The following GTF2I variants were observed in gnomAD, a reference collection of about 807,000 sequenced individuals.
GTF2I encodes the protein general transcription factor IIi, also known as general transcription factor II-I.
A neutral mutation model predicts 67.6 loss-of-function variants in GTF2I; 12 were observed. That is an observed-to-expected ratio of 0.18 (90% CI 0.11 to 0.29). The LOEUF (loss-of-function observed/expected upper bound fraction) is 0.29. Among genes scored for constraint, GTF2I ranks in the 10% least tolerant of loss-of-function variants. The pLI is 1.00. For missense variants in GTF2I, 271 were observed against 580.1 expected (o/e 0.47, Z 5.47); for synonymous variants, 149 against 197.0 (o/e 0.76, Z 2.04).
intron 9 of GTF2I, among the ~76,000 whole-genome samples, chr7:74,711,949 C>CTTTT (rs587731254): frequency 1.5e-5 from 2 of 134,116 alleles, no homozygotes; most frequent in Non-Finnish European, 1.6e-5. Context: ...TCATTTCTCT[C>CTTTT]TTTTTTTTTT....
At chr7:74,678,614 T>C (rs939744752) in intron 1 of GTF2I, among the ~76,000 whole-genome samples, 5 of 152,138 alleles carry the variant, frequency 3.3e-5, no homozygotes, top group Admixed American at 2.6e-4. Flanking sequence ...GTCTTCAGTC[T>C]TTTAGGTGGC....
At chr7:74,690,100 A>G (rs1788138118) in intron 2 of GTF2I, among the ~76,000 whole-genome samples, 4 of 152,094 alleles carry the variant, frequency 2.6e-5, no homozygotes, top group Admixed American at 1.3e-4. Context: ...CTGTAGTCCC[A>G]GTAACCCGGG....
At chr7:74,726,175 C>A (rs1793751493) in intron 12 of GTF2I, among the ~76,000 whole-genome samples, 1 of 152,052 alleles carries the variant, frequency 6.6e-6, no homozygotes, top group Admixed American at 6.5e-5. Context: ...GAGACCTTAA[C>A]CTATAGGGGA....
chr7:74,727,278 C>T (rs1334236744), intron 12 of GTF2I: 2 of 152,210 alleles, frequency 1.3e-5, no homozygotes, highest in African/African-American at 4.8e-5. Context: ...GGTGTCCAGT[C>T]GCCTTCTAGA....
intron 6 of GTF2I, among the ~76,000 whole-genome samples, chr7:74,702,665 A>G (rs1260751205): frequency 6.6e-6 from 1 of 151,970 alleles, no homozygotes; most frequent in Non-Finnish European, 1.5e-5. Context: ...GTGAAGTGGT[A>G]TCTAATTTTT....
chr7:74,723,428 C>CCTTTTTTTTTTTTTTTTT (rs1793319970), intron 12 of GTF2I, among the ~76,000 whole-genome samples: 1 of 61,090 alleles, frequency 1.6e-5, no homozygotes, highest in African/African-American at 8.3e-5. Context: ...CTCCCGGCCT[C>CCTTTTTTTTTTTTTTTTT]TTTTTTTTTT....
intron 1 of GTF2I, among the ~76,000 whole-genome samples, chr7:74,666,928 T>C (rs1005886030): frequency 6.6e-5 from 10 of 151,766 alleles, no homozygotes; most frequent in Non-Finnish European, 1.0e-4. Context: ...TGCAGTGAGC[T>C]GAGATCGCAC....
chr7:74,703,732 G>C (rs187515895), intron 6 of GTF2I, among the ~76,000 whole-genome samples: 2 of 152,126 alleles, frequency 1.3e-5, no homozygotes, highest in Non-Finnish European at 2.9e-5. Flanking sequence ...AAACCCAAAG[G>C]CATGAAGATA....
intron 3 of GTF2I, among the ~76,000 whole-genome samples, chr7:74,696,799 T>G (rs1554398483): frequency 6.6e-6 from 1 of 152,070 alleles, no homozygotes; most frequent in African/African-American, 2.4e-5. Flanking sequence ...CCGGCCTAAT[T>G]CTCAAGTACC....
At chr7:74,683,130 A>G (rs587604864) in intron 1 of GTF2I, among the ~76,000 whole-genome samples, 115 of 152,338 alleles carry the variant, frequency 7.5e-4, no homozygotes, top group African/African-American at 2.7e-3. Flanking sequence ...TCCACATCGA[A>G]GGATACCATT....
chr7:74,690,792 A>G (rs1788219063), intron 2 of GTF2I, among the ~76,000 whole-genome samples, 181 bp from the exon 3 acceptor site: 1 of 152,204 alleles, frequency 6.6e-6, no homozygotes, highest in South Asian at 2.1e-4. Flanking sequence ...AGAGATTACA[A>G]GGGAATTGTG....
intron 3 of GTF2I, among the ~76,000 whole-genome samples, chr7:74,696,349 T>C (rs79126084): frequency 6.7e-6 from 1 of 149,378 alleles, no homozygotes; most frequent in Non-Finnish European, 1.5e-5. Context: ...TCTTTTTTTT[T>C]GAGACAGAGT....
At position 74,723,321 on chromosome 7, in the gene GTF2I, G is replaced by T. The variant is rs975776369; in HGVS notation, c.943+4380G>T. On this transcript the variant is annotated intron_variant, in intron 12 of 34. Transcript: ENST00000573035. ...TTTTTGTATTTTTAGTAGAGACGGG[G>T]TTTCACCATTTTGGCCAGGGTGATC... is the stretch of plus-strand genomic sequence containing the variant. Among the ~76,000 whole-genome samples, 7 of 150,466 alleles carry T rather than the reference G, an allele frequency of 4.7e-5. No individual in the cohort carries two copies. In the East Asian group the frequency reaches 1.2e-3, roughly 25 times the overall value.
intron 7 of GTF2I, among the ~76,000 whole-genome samples, chr7:74,705,958 CTT>C (rs1214967953): frequency 1.3e-5 from 2 of 150,810 alleles, no homozygotes; most frequent in Non-Finnish European, 3.0e-5. Flanking sequence ...GTTGATAACT[CTT>C]TTTTTTTGTG....
chr7:74,675,356 G>T (rs1327269548), intron 1 of GTF2I, among the ~76,000 whole-genome samples: 1 of 152,054 alleles, frequency 6.6e-6, no homozygotes, highest in Non-Finnish European at 1.5e-5. Context: ...CGTGGTGTTT[G>T]TCTGTCTGGA....
Position 74,718,953 on chromosome 7 carries a change from A to T in GTF2I, c.943+12A>T. On this transcript the variant is annotated intron_variant, in intron 12 of 34. Coordinates refer to ENST00000573035, the MANE Select transcript of GTF2I (RefSeq NM_032999.4). Reference sequence around the variant, plus strand: ...GGTGACTATTGAAGGTTAGTTATCTAAAAGCCTTGATTCCAAAGTTTACTT... The same window carrying T: ...GGTGACTATTGAAGGTTAGTTATCTTAAAGCCTTGATTCCAAAGTTTACTT... 1 of 1,446,348 alleles carries T rather than the reference A, an allele frequency of 6.9e-7. No homozygotes were observed. The allele number at this position is 1,446,348 out of a possible 1,614,324, so 89.6% of individuals were successfully genotyped here.
chr7:74,694,196 G>A (rs781820824), intron 3 of GTF2I, among the ~76,000 whole-genome samples: 49 of 152,210 alleles, frequency 3.2e-4, no homozygotes, highest in Non-Finnish European at 5.9e-4. Flanking sequence ...CCAGAGTGAG[G>A]CCCTAACTCT....
intron 4 of GTF2I, 42 bp downstream of exon 4, chr7:74,699,137 TA>T: frequency 8.6e-7 from 1 of 1,156,978 alleles, no homozygotes; most frequent in Non-Finnish European, 1.2e-6. Context: ...ATACATTATA[TA>T]ATTGAATTTT....
chr7:74,719,001 C>A, intron 12 of GTF2I, 60 bp downstream of exon 12: 1 of 816,558 alleles, frequency 1.2e-6, no homozygotes, highest in Non-Finnish European at 2.0e-6. Context: ...ATACTTGTCA[C>A]ATTCACATTG....
Sources: gnomAD v4.1 joint callset for allele counts (sites outside exome capture counted in the v4.1 genomes callset) on GRCh38, gnomAD v4.1.1 for gene constraint, MANE v1.5 for transcripts, NCBI Gene and HGNC (gene_info 2026-07-23, HGNC 2026-07-21) for gene names.